The following NRP2 variants were observed in gnomAD, a reference collection of about 807,000 sequenced individuals.
NRP2 encodes the protein neuropilin 2.
NRP2 carries 52 observed loss-of-function variants against 110.4 expected under a neutral mutation model. That is an observed-to-expected ratio of 0.47 (90% CI 0.38 to 0.59). The LOEUF (loss-of-function observed/expected upper bound fraction) is 0.59. NRP2 is among the 20% of genes least tolerant of loss of function. The pLI, the probability that NRP2 is intolerant of heterozygous loss-of-function variation, is 0.00. For missense variants in NRP2, 1,049 were observed against 1,203.0 expected, an observed-to-expected ratio of 0.87 and a Z score of 1.89; for synonymous variants, 508 against 468.9, an observed-to-expected ratio of 1.08 and a Z score of -1.08.
At chr2:205,752,167 G>T (rs2057658023) in intron 11 of NRP2, among the ~76,000 whole-genome samples, 1 of 152,186 alleles carries the variant, frequency 6.6e-6, no homozygotes, top group African/African-American at 2.4e-5. Flanking sequence ...TTTTCCTCCT[G>T]GCCAGCACTG....
chr2:205,747,583 C>A (rs2105884760), intron 10 of NRP2, among the ~76,000 whole-genome samples: 1 of 152,316 alleles, frequency 6.6e-6, no homozygotes, highest in South Asian at 2.1e-4. Context: ...TGGTCATGAC[C>A]TATTCGACGG....
At chr2:205,750,857 G>T (rs2057631822) in intron 11 of NRP2, among the ~76,000 whole-genome samples, 1 of 152,216 alleles carries the variant, frequency 6.6e-6, no homozygotes, top group Non-Finnish European at 1.5e-5. Flanking sequence ...TACACTGATG[G>T]AGTGGATGAC....
intron 1 of NRP2, among the ~76,000 whole-genome samples, chr2:205,684,661 G>A (rs975906000): frequency 3.3e-5 from 5 of 152,214 alleles, no homozygotes; most frequent in African/African-American, 9.7e-5. Flanking sequence ...CACGTTTGCA[G>A]CTCTTTCTTT....
At chr2:205,730,981 G>A (rs2057227882) in intron 7 of NRP2, among the ~76,000 whole-genome samples, 3 of 152,224 alleles carry the variant, frequency 2.0e-5, no homozygotes, top group Non-Finnish European at 4.4e-5. Flanking sequence ...GGTCGCCTAT[G>A]AGAAAGTGGT....
At chr2:205,793,698 T>C (rs2058325508) in intron 16 of NRP2, among the ~76,000 whole-genome samples, 1 of 152,166 alleles carries the variant, frequency 6.6e-6, no homozygotes, top group Non-Finnish European at 1.5e-5. Context: ...TTCCCCTTTT[T>C]CTAAGGATAC....
intron 3 of NRP2, among the ~76,000 whole-genome samples, chr2:205,721,482 C>T (rs900941409): frequency 2.0e-5 from 3 of 152,152 alleles, no homozygotes; most frequent in African/African-American, 7.2e-5. Context: ...TCCCGGGACC[C>T]ATCTGTGGTG....
In NRP2 at chr2:205,763,868, C is replaced by A; in HGVS notation, c.2239C>A (p.Arg747Ser). Residue 747 changes from arginine to serine, a missense_variant, in exon 13 of 17, where the codon CGT (arginine) becomes AGT (serine). Coordinates refer to ENST00000357785, the MANE Select transcript of NRP2 (RefSeq NM_003872.3). This position sits in a 1 kb window ranked among gnomAD's most constrained non-coding sequence, Gnocchi z 4.0. ...SQESKLLWVI[R>S]EDQGGEWKHG... ...GGAGAGCAAGTTGCTGTGGGTCATC[C>A]GTGAGGACCAGGGCGGCGAGTGGAA... 1 of 1,614,114 alleles carries A rather than the reference C, an allele frequency of 6.2e-7. No individual in the cohort carries two copies. The highest frequency in any genetic ancestry group is 8.5e-7 in the Non-Finnish European group (1 of 1,179,996).
rs765737904 is a variant in NRP2 at position 205,776,532 on chromosome 2, G to A, written c.2425+9729G>A. 5.4e-5 allele frequency: 86 copies of A among 1,603,020 alleles called. 2 individuals are homozygous for A. The highest frequency in any genetic ancestry group is 5.2e-4 in the South Asian group (47 of 91,076). ...ACCGTGGCTCGCACTGCTGAGGGCC[G>A]AAGCAAGAACAGCACCCAAAACAAA... is the stretch of plus-strand genomic sequence containing the variant. On this transcript the variant is annotated intron_variant, in intron 15 of 16. Transcript: ENST00000357785.
intron 12 of NRP2, among the ~76,000 whole-genome samples, chr2:205,754,418 A>G (rs1312471706): frequency 6.6e-6 from 1 of 152,152 alleles, no homozygotes; most frequent in Non-Finnish European, 1.5e-5. Context: ...ATCCGGAGAA[A>G]AACATTTTCA....
In NRP2 at chr2:205,794,898, T is replaced by G. The variant is rs1465656823; in HGVS notation, c.2621T>G (p.Leu874Arg). The part of the protein sequence containing the change: ...IIAMSSLGVL[L>R]GATCAGLLLY... ...GCCATGAGCTCACTGGGCGTCCTCC[T>G]GGGGGCCACCTGTGCAGGCCTCCTG... The change falls in exon 17 of 17, where the codon CTG (leucine) becomes CGG (arginine). Residue 874 changes from leucine to arginine, a missense_variant. By Grantham distance (102) the Leu-to-Arg change is moderately radical. Transcript: ENST00000357785. The G allele has an allele frequency of 6.2e-7, 1 of 1,614,076 alleles. No individual in the cohort carries two copies. The highest frequency in any genetic ancestry group is 8.5e-7 in the Non-Finnish European group (1 of 1,180,032).
intron 16 of NRP2, among the ~76,000 whole-genome samples, chr2:205,792,969 C>T (rs1318991647): frequency 6.6e-6 from 1 of 152,146 alleles, no homozygotes; most frequent in Non-Finnish European, 1.5e-5. Context: ...CAAGATTCCA[C>T]TTAAAGAATA....
At chr2:205,724,214 T>A (rs1283588081) in intron 5 of NRP2, among the ~76,000 whole-genome samples, 2 of 152,224 alleles carry the variant, frequency 1.3e-5, no homozygotes, top group Non-Finnish European at 2.9e-5. Context: ...TACCATCTCA[T>A]ACCTCAGTTT....
intron 1 of NRP2, among the ~76,000 whole-genome samples, chr2:205,687,586 G>C (rs1265359143): frequency 6.6e-6 from 1 of 152,210 alleles, no homozygotes; most frequent in African/African-American, 2.4e-5. Flanking sequence ...GTGGAATTGT[G>C]AATGCGCCAG....
At chr2:205,701,457 T>C (rs1353895780) in intron 2 of NRP2, 1 of 151,036 alleles carries the variant, frequency 6.6e-6, no homozygotes, top group Non-Finnish European at 1.5e-5. Flanking sequence ...GAGAATCACT[T>C]GAACCTGGGA....
At position 205,763,720 on chromosome 2, in the gene NRP2, C is replaced by T. The variant is rs1230618361; in HGVS notation, c.2091C>T (p.Gly697=). 1.9e-6 allele frequency: 3 copies of T among 1,614,070 alleles called. No homozygotes were observed. Among genetic ancestry groups the T allele is most frequent in the South Asian group, 1.1e-5 (1 of 91,090 alleles). Residue 697 remains glycine (G), a synonymous_variant, in exon 13 of 17, where the codon GGC becomes GGT. Transcript: ENST00000357785. The surrounding 1 kb of genome is among the most constrained non-coding windows in gnomAD (Gnocchi z 4.0). ...TGCAGAGTGACAGCCAGAGAGAGGG[C>T]CAGTATGCCCGGCTCATCAGCCCCC... ...LRLQSDSQRE[G]QYARLISPPV...
chr2:205,747,425 A>G (rs1393634478), intron 10 of NRP2, among the ~76,000 whole-genome samples: 1 of 152,196 alleles, frequency 6.6e-6, no homozygotes, highest in East Asian at 1.9e-4. Flanking sequence ...AAATGAATGA[A>G]TGGATGTGAA....
intron 7 of NRP2, among the ~76,000 whole-genome samples, chr2:205,731,131 G>A (rs2057230765): frequency 6.6e-6 from 1 of 152,212 alleles, no homozygotes; most frequent in African/African-American, 2.4e-5. Context: ...CTCATACAGG[G>A]TGGGCCCGCC....
At chr2:205,703,571 A>G (rs1302257631) in intron 2 of NRP2, among the ~76,000 whole-genome samples, 11 of 152,220 alleles carry the variant, frequency 7.2e-5, no homozygotes, top group African/African-American at 1.2e-4. Context: ...CCTCCCCGGC[A>G]TCATGCATTT....
At chr2:205,746,442 T>G (rs1360200714) in intron 10 of NRP2, among the ~76,000 whole-genome samples, 1 of 152,212 alleles carries the variant, frequency 6.6e-6, no homozygotes, top group Non-Finnish European at 1.5e-5. Flanking sequence ...GGGGAACACC[T>G]CTCATCATTC....
Sources: gnomAD v4.1 joint callset for allele counts (sites outside exome capture counted in the v4.1 genomes callset) on GRCh38, gnomAD v4.1.1 for gene constraint, Gnocchi (gnomAD v3.1) non-coding constraint, MANE v1.5 for transcripts, NCBI Gene and HGNC (gene_info 2026-07-23, HGNC 2026-07-21) for gene names.